Variants in SMCHD1 observed in about 807,000 individuals in gnomAD.
SMCHD1 encodes the protein structural maintenance of chromosomes flexible hinge domain containing 1, also known as structural maintenance of chromosomes flexible hinge domain-containing protein 1.
In SMCHD1, 78 loss-of-function variants were observed where a neutral mutation model predicts 254.7. The ratio of observed to expected loss-of-function variants is 0.31; its 90% confidence interval spans 0.26 to 0.37. SMCHD1 has a LOEUF of 0.37. Among genes scored for constraint, SMCHD1 ranks in the 10% least tolerant of loss-of-function variants. The probability of loss-of-function intolerance (pLI) is 1.00; values close to 1 mark genes in which losing one functional copy is unlikely to be tolerated. For missense variants in SMCHD1, 1,840 were observed against 2,408.1 expected, an observed-to-expected ratio of 0.76 and a Z score of 4.94; for synonymous variants, 766 against 794.9, an observed-to-expected ratio of 0.96 and a Z score of 0.61.
intron 25 of SMCHD1, among the ~76,000 whole-genome samples, chr18:2,736,334 T>C (rs752539085): frequency 5.9e-5 from 9 of 152,164 alleles, no homozygotes; most frequent in Non-Finnish European, 2.9e-5. Context: ...ATAGCCATTC[T>C]GGATGTCGGC....
chr18:2,707,279 A>C (rs1447774048), intron 15 of SMCHD1, among the ~76,000 whole-genome samples: 1 of 151,862 alleles, frequency 6.6e-6, no homozygotes, highest in African/African-American at 2.4e-5. Context: ...TTCTAAAGGT[A>C]ATTTGTACTA....
chr18:2,690,008 G>A (rs2074140058), intron 7 of SMCHD1, among the ~76,000 whole-genome samples: 1 of 151,930 alleles, frequency 6.6e-6, no homozygotes, highest in Non-Finnish European at 1.5e-5. Context: ...GAGCAAGACT[G>A]TCTCAAAAAC....
At chr18:2,710,621 C>T (rs1045501680) in intron 17 of SMCHD1, among the ~76,000 whole-genome samples, 8 of 152,106 alleles carry the variant, frequency 5.3e-5, no homozygotes, top group South Asian at 2.1e-4. Flanking sequence ...CATTTATGAA[C>T]GGAAATAACT....
In SMCHD1 at chr18:2,724,927, A is replaced by G; in HGVS notation, c.2632A>G (p.Thr878Ala). ...SGLSLHYEEI[T>A]KGPNCVIRGV... ...TTTATCTTTACATTATGAAGAAATA[A>G]CCAAAGGACCAAATTGTGTAATTCG... is the stretch of plus-strand genomic sequence containing the variant. The change falls in exon 21 of 48, where the codon ACC becomes GCC. Residue 878 changes from threonine to alanine, a missense_variant. Transcript: ENST00000320876. The G allele has an allele frequency of 6.3e-7, 1 of 1,589,518 alleles. No individual in the cohort carries two copies. The highest frequency in any genetic ancestry group is 8.6e-7 in the Non-Finnish European group (1 of 1,164,990).
rs1311910469 is a variant in SMCHD1, at chr18:2,697,021, C to T, written c.1041-11C>T. ...GAATTAAAAGTATAAAATTATTCTT[C>T]TCTATTTTAGGCATATTTATCACTA... On this transcript the variant is annotated splice_polypyrimidine_tract_variant and intron_variant, in intron 8 of 47. Coordinates refer to ENST00000320876, the MANE Select transcript of SMCHD1 (RefSeq NM_015295.3). 3 of 1,145,998 alleles carry T rather than the reference C, an allele frequency of 2.6e-6. No homozygotes were observed. In the Admixed American group the frequency reaches 9.3e-5, roughly 36 times the overall value. The allele number at this position is 1,145,998 out of a possible 1,614,324, so 71.0% of individuals were successfully genotyped here. A position where few individuals can be genotyped will look rare whatever the true frequency, so the allele number is the denominator to read the frequency against.
chr18:2,776,296 G>A (rs554091570), intron 42 of SMCHD1, among the ~76,000 whole-genome samples: 1 of 152,002 alleles, frequency 6.6e-6, no homozygotes, highest in Non-Finnish European at 1.5e-5. Context: ...TCACAACTCA[G>A]TGCAGCCTCA....
At chr18:2,758,825 A>C (rs570315559) in intron 34 of SMCHD1, among the ~76,000 whole-genome samples, 1 of 151,762 alleles carries the variant, frequency 6.6e-6, no homozygotes, top group African/African-American at 2.4e-5. Flanking sequence ...CCTGCCCAGC[A>C]GTTTTACTGT....
chr18:2,790,058 T>G (rs1180687327), intron 45 of SMCHD1, among the ~76,000 whole-genome samples: 1 of 152,160 alleles, frequency 6.6e-6, no homozygotes, highest in Non-Finnish European at 1.5e-5. Flanking sequence ...TGGACGTGCC[T>G]GTAGTCCCAG....
Position 2,703,861 on chromosome 18 carries a change from GAA to G in SMCHD1, c.1819_1820del (p.Lys607AspfsTer31). ...ACATATGCAGCAATAGAATGGGATG[GAA>G]AGATATACAAAGCAGGACAGCTGGT... On this transcript the variant is annotated frameshift_variant, in exon 13 of 48. Coordinates refer to ENST00000320876, the MANE Select transcript of SMCHD1 (RefSeq NM_015295.3). LOFTEE classifies it high-confidence loss of function. 1 of 1,608,142 alleles carries G rather than the reference GAA, an allele frequency of 6.2e-7. No homozygotes were observed. The highest frequency in any genetic ancestry group is 8.5e-7 in the Non-Finnish European group (1 of 1,177,760).
intron 3 of SMCHD1, among the ~76,000 whole-genome samples, chr18:2,669,517 T>C (rs984170456): frequency 2.0e-5 from 3 of 152,100 alleles, no homozygotes; most frequent in Non-Finnish European, 4.4e-5. Context: ...TGCCCTTTCT[T>C]CTCTCCCCAC....
intron 28 of SMCHD1, among the ~76,000 whole-genome samples, chr18:2,742,788 C>T (rs1286921221): frequency 1.3e-5 from 2 of 152,128 alleles, no homozygotes; most frequent in East Asian, 3.8e-4. Context: ...GTGATCCTCC[C>T]ACCAGAGCCT....
At position 2,762,162 on chromosome 18, in the gene SMCHD1, C is replaced by G. The variant is rs767117563; in HGVS notation, c.4492C>G (p.Pro1498Ala). 1.2e-6 allele frequency: 2 copies of G among 1,613,586 alleles called. No individual in the cohort carries two copies. The highest frequency in any genetic ancestry group is 1.7e-6 in the Non-Finnish European group (2 of 1,179,594). The change falls in exon 36 of 48, where the codon CCT (proline) becomes GCT (alanine). Residue 1498 changes from proline to alanine, a missense_variant. This residue lies in a region of SMCHD1 where 881 missense variants were observed against 1,009.5 expected (regional missense o/e 0.87). Coordinates refer to ENST00000320876, the MANE Select transcript of SMCHD1 (RefSeq NM_015295.3). ...PVKLVPKIKP[P>A]TPAVSNVRSV... ...GAAGTTAGTACCTAAAATTAAACCACCTACACCAGCTGTTTCAAATGTTCG... is the reference window on the plus strand; with the variant it reads ...GAAGTTAGTACCTAAAATTAAACCAGCTACACCAGCTGTTTCAAATGTTCG...
At chr18:2,778,337 C>A in intron 44 of SMCHD1, 98 bp downstream of exon 44, 3 of 810,512 alleles carry the variant, frequency 3.7e-6, no homozygotes, top group Non-Finnish European at 5.6e-6. Context: ...CTTTTCAAAA[C>A]CAATTTAAAT....
rs114467538 is a variant in SMCHD1, at chr18:2,713,304, C to T, written c.2261-4854C>T. On this transcript the variant is annotated intron_variant, in intron 17 of 47. Coordinates refer to ENST00000320876, the MANE Select transcript of SMCHD1 (RefSeq NM_015295.3). ...AAATACATCAAAAATCAGAAAGTTGCTTGGGTCTTTTTAGAGAACTTCTCG... is the reference window on the plus strand; with the variant it reads ...AAATACATCAAAAATCAGAAAGTTGTTTGGGTCTTTTTAGAGAACTTCTCG... Among the ~76,000 whole-genome samples the T allele has an allele frequency of 8.7e-3, 1,325 of 152,188 alleles. 22 individuals carry two copies. Among genetic ancestry groups the T allele is most frequent in the African/African-American group, 0.03 (1,258 of 41,532 alleles).
At chr18:2,777,776 A>C in intron 42 of SMCHD1, 30 bp from the exon 43 acceptor site, 1 of 1,228,648 alleles carries the variant, frequency 8.1e-7, no homozygotes, top group Non-Finnish European at 1.1e-6. Context: ...CATGTGCTTT[A>C]ATATCTTTTT....
chr18:2,728,360 ATAT>A, intron 22 of SMCHD1, 94 bp from the exon 23 acceptor site: 1 of 1,211,984 alleles, frequency 8.3e-7, no homozygotes, highest in African/African-American at 1.5e-5. Flanking sequence ...TATTTATAAA[ATAT>A]TAAGTCTTTA....
At chr18:2,673,181 T>C (rs2143840925) in intron 3 of SMCHD1, 100 bp from the exon 4 acceptor site, 5 of 1,400,352 alleles carry the variant, frequency 3.6e-6, no homozygotes, top group Non-Finnish European at 4.7e-6. Context: ...TAATTCTAGC[T>C]CTTTGGCTTT....
At chr18:2,749,883 T>C (rs1293229626) in intron 30 of SMCHD1, among the ~76,000 whole-genome samples, 160 bp from the exon 31 acceptor site, 7 of 152,198 alleles carry the variant, frequency 4.6e-5, no homozygotes, top group Admixed American at 2.0e-4. Context: ...ACATACTACA[T>C]TATTCCAACT....
chr18:2,713,158 C>A (rs984894354), intron 17 of SMCHD1, among the ~76,000 whole-genome samples: 1 of 152,162 alleles, frequency 6.6e-6, no homozygotes, highest in Non-Finnish European at 1.5e-5. Context: ...CATTGGCAGT[C>A]CAGTAGTTTG....
Sources: gnomAD v4.1 joint callset for allele counts (sites outside exome capture counted in the v4.1 genomes callset) on GRCh38, gnomAD v4.1.1 for gene constraint, gnomAD v4.1.1 regional missense constraint, MANE v1.5 for transcripts, NCBI Gene and HGNC (gene_info 2026-07-23, HGNC 2026-07-21) for gene names.